The following SYTL5 variants were observed in gnomAD, a reference collection of about 807,000 sequenced individuals.
SYTL5 encodes the protein synaptotagmin-like protein 5.
Under a neutral mutation model 55.9 loss-of-function variants are expected in SYTL5, and 34 were observed. The observed-to-expected ratio is 0.61, with a 90% CI of 0.46 to 0.81. The LOEUF (loss-of-function observed/expected upper bound fraction) is 0.81. SYTL5 is among the 30% of genes least tolerant of loss of function. SYTL5 has a pLI of 0.00. For missense variants in SYTL5, 637 were observed against 546.7 expected (o/e 1.17, Z -1.65); for synonymous variants, 221 against 188.7 (o/e 1.17, Z -1.40).
At chrX:38,088,047 A>C (rs746349308) in intron 6 of SYTL5, among the ~76,000 whole-genome samples, 37 of 111,546 alleles carry the variant, frequency 3.3e-4, no homozygotes, top group African/African-American at 1.2e-3. Context: ...TAACACCTAG[A>C]AGATACTAAG....
chrX:37,931,034 A>C, the SYTL5 span, among the ~76,000 whole-genome samples: 1 of 112,305 alleles, frequency 8.9e-6, no homozygotes, highest in African/African-American at 3.2e-5. Context: ...GAGGAACTGC[A>C]GTCAATTGGC....
At chrX:38,050,615 T>C (rs1218743518) in intron 2 of SYTL5, among the ~76,000 whole-genome samples, 1 of 110,555 alleles carries the variant, frequency 9.0e-6, no homozygotes, top group Admixed American at 9.6e-5. Flanking sequence ...AAAACTAAAA[T>C]TAAAAAAAAA....
At chrX:37,915,652 G>C in the SYTL5 span, among the ~76,000 whole-genome samples, 1 of 111,699 alleles carries the variant, frequency 9.0e-6, no homozygotes, top group Non-Finnish European at 1.9e-5. Context: ...TGACAGTCAC[G>C]GGTACTGCTA....
chrX:38,071,989 A>T (rs914939897), intron 3 of SYTL5, 58 bp from the exon 4 acceptor site: 2 of 823,434 alleles, frequency 2.4e-6, no homozygotes, highest in African/African-American at 2.0e-5. Flanking sequence ...GATTTTTGAG[A>T]GTTAATTATG....
At chrX:37,923,218 A>G in the SYTL5 span, among the ~76,000 whole-genome samples, 2 of 112,091 alleles carry the variant, frequency 1.8e-5, no homozygotes, top group Admixed American at 9.5e-5. Context: ...CTTTTCCTCT[A>G]TGCCAGAAGA....
chrX:38,056,234 A>T (rs980721787), intron 3 of SYTL5, among the ~76,000 whole-genome samples: 4 of 111,708 alleles, frequency 3.6e-5, no homozygotes, highest in African/African-American at 9.8e-5. Context: ...TTCTGTGCCT[A>T]GCTTATTTCA....
intron 1 of SYTL5, among the ~76,000 whole-genome samples, chrX:38,012,671 A>G (rs1051386600): frequency 8.9e-6 from 1 of 112,080 alleles, no homozygotes; most frequent in Non-Finnish European, 1.9e-5. Flanking sequence ...CCATTAATAT[A>G]TCCCCCTAAG....
At chrX:38,058,166 G>A (rs763278071) in intron 3 of SYTL5, among the ~76,000 whole-genome samples, 12 of 111,248 alleles carry the variant, frequency 1.1e-4, no homozygotes, top group African/African-American at 2.9e-4. Context: ...ATATTTTAAT[G>A]TGGGAATTAT....
rs1293411438 is a variant in SYTL5, at chrX:38,127,919, C to A, written c.*1189C>A. On this transcript the variant is annotated 3_prime_UTR_variant, in exon 17 of 17. Transcript: ENST00000297875. ...CCCCACTGCTCGGGTACATTTTCAG[C>A]CCCTGGTTGTGTCATGTCTACTGAT... 1 of 111,692 alleles carries A rather than the reference C, an allele frequency of 9.0e-6. No individual in the cohort carries two copies. Among genetic ancestry groups the A allele is most frequent in the African/African-American group, 3.3e-5 (1 of 30,729 alleles). The allele number at this position is 111,692 out of a possible 1,213,427, so 9.2% of individuals were successfully genotyped here.
intron 2 of SYTL5, among the ~76,000 whole-genome samples, chrX:38,052,568 A>G (rs1042929996): frequency 2.7e-5 from 3 of 112,147 alleles, no homozygotes; most frequent in Non-Finnish European, 3.8e-5. Context: ...TATTTTTAAC[A>G]TGAGTCTTAC....
At chrX:37,896,271 G>A in the SYTL5 span, among the ~76,000 whole-genome samples, 1 of 111,974 alleles carries the variant, frequency 8.9e-6, no homozygotes, top group Non-Finnish European at 1.9e-5. Context: ...TGAATGGAGA[G>A]TCTTTTTTTC....
intron 2 of SYTL5, among the ~76,000 whole-genome samples, chrX:38,041,728 C>T (rs1241615124): frequency 2.7e-5 from 3 of 112,243 alleles, no homozygotes; most frequent in Non-Finnish European, 5.6e-5. Context: ...TTGTAAGGTG[C>T]ACCATAGGCA....
At chrX:38,105,791 A>C (rs1336640002) in intron 10 of SYTL5, among the ~76,000 whole-genome samples, 1 of 112,352 alleles carries the variant, frequency 8.9e-6, no homozygotes, top group East Asian at 2.8e-4. Flanking sequence ...AGAAAGTGAA[A>C]CTGTGGATAA....
chrX:37,947,374 G>T, the SYTL5 span, among the ~76,000 whole-genome samples: 3 of 111,220 alleles, frequency 2.7e-5, no homozygotes, highest in African/African-American at 9.8e-5. Flanking sequence ...TGCTGTTCTC[G>T]TGATATTGAG....
the SYTL5 span, among the ~76,000 whole-genome samples, chrX:37,938,534 G>A: frequency 8.9e-6 from 1 of 112,184 alleles, no homozygotes. Flanking sequence ...GATACAAAGA[G>A]CTGAGGATGA....
chrX:38,076,728 A>G, intron 6 of SYTL5, 27 bp downstream of exon 6: 1 of 1,197,959 alleles, frequency 8.3e-7, no homozygotes. Flanking sequence ...TTGAGCAATG[A>G]TGTAGCCTGA....
chrX:37,980,399 C>A, the SYTL5 span, among the ~76,000 whole-genome samples: 1 of 111,702 alleles, frequency 9.0e-6, no homozygotes, highest in Non-Finnish European at 1.9e-5. Context: ...AACTGGCAAG[C>A]CTTAGTAAAT....
intron 15 of SYTL5, among the ~76,000 whole-genome samples, chrX:38,122,949 T>C: frequency 8.9e-6 from 1 of 112,644 alleles, no homozygotes; most frequent in Non-Finnish European, 1.9e-5. Context: ...AATAACATAT[T>C]ATCCCTGCCC....
chrX:37,987,647 T>C, the SYTL5 span, among the ~76,000 whole-genome samples: 1 of 111,840 alleles, frequency 8.9e-6, no homozygotes, highest in Non-Finnish European at 1.9e-5. Flanking sequence ...ATACAAACAT[T>C]TCTGGGTATA....
Sources: gnomAD v4.1 joint callset for allele counts (sites outside exome capture counted in the v4.1 genomes callset) on GRCh38, gnomAD v4.1.1 for gene constraint, MANE v1.5 for transcripts, NCBI Gene and HGNC (gene_info 2026-07-23, HGNC 2026-07-21) for gene names.